The following SRGAP3 variants were observed in gnomAD, a reference collection of about 807,000 sequenced individuals.
SRGAP3 encodes SLIT-ROBO Rho GTPase activating protein 3.
A neutral mutation model predicts 121.1 loss-of-function variants in SRGAP3; 39 were observed. The observed-to-expected ratio is 0.32, with a 90% CI of 0.25 to 0.42. The LOEUF (loss-of-function observed/expected upper bound fraction) is 0.42, where lower values mean the gene tolerates loss of function less well. Ranked by LOEUF, SRGAP3 falls within the 10% of genes least tolerant of loss-of-function variation. SRGAP3 has a pLI of 1.00. For synonymous variants in SRGAP3, 601 were observed against 570.0 expected, an observed-to-expected ratio of 1.05 and a Z score of -0.77; for missense variants, 1,213 against 1,470.6, an observed-to-expected ratio of 0.82 and a Z score of 2.86.
chr3:9,256,049 G>A (rs952569284), intron 3 of SRGAP3, among the ~76,000 whole-genome samples: 3 of 151,970 alleles, frequency 2.0e-5, no homozygotes, highest in Admixed American at 6.5e-5. Flanking sequence ...AGGCTCTACC[G>A]AGAGACCCTG....
At chr3:9,172,422 T>TGATTA (rs550606486) in intron 1 of SRGAP3, among the ~76,000 whole-genome samples, 242 of 152,266 alleles carry the variant, frequency 1.6e-3, no homozygotes, top group Middle Eastern at 6.8e-3. Flanking sequence ...CATTTTAACT[T>TGATTA]GATTACCTCT....
chr3:9,348,824 G>A (rs779375162), intron 1 of SRGAP3: 134 of 1,356,802 alleles, frequency 9.9e-5, no homozygotes, highest in Non-Finnish European at 1.2e-4. Context: ...AATGGAGCCC[G>A]ACCATCCTTT....
At chr3:9,348,783 G>A (rs1955953442) in intron 1 of SRGAP3, 2 of 1,364,970 alleles carry the variant, frequency 1.5e-6, no homozygotes, top group East Asian at 4.6e-5. Context: ...GTGAAGATCT[G>A]GAGGCACTCC....
chr3:9,048,733 A>G (rs1173991120), intron 9 of SRGAP3, among the ~76,000 whole-genome samples: 1 of 152,222 alleles, frequency 6.6e-6, no homozygotes, highest in African/African-American at 2.4e-5. Flanking sequence ...CCAAGGTGAG[A>G]GAATCACTTG....
intron 3 of SRGAP3, among the ~76,000 whole-genome samples, chr3:9,085,368 G>T (rs55859934): frequency 0.056 from 8,507 of 152,312 alleles, 369 homozygotes; most frequent in Middle Eastern, 0.095. Flanking sequence ...TGGTGGGAGT[G>T]TAAATTAGTT....
chr3:9,158,622 G>T lies in SRGAP3; in HGVS notation c.68-33705C>A, dbSNP rs1381690461. ...ACAGGCAGAAAGTGGCAAAGCTGGG[G>T]CTCAAATCACTCACTTAAACCACCT... On this transcript the variant is annotated intron_variant, in intron 1 of 21. Coordinates refer to ENST00000383836, the MANE Select transcript of SRGAP3 (RefSeq NM_014850.4). Among the ~76,000 whole-genome samples, 3 of 152,140 alleles carry T rather than the reference G, an allele frequency of 2.0e-5. No individual in the cohort carries two copies. In the East Asian group the frequency reaches 5.8e-4, roughly 29 times the overall value.
chr3:9,085,317 A>G (rs1947416346), intron 3 of SRGAP3, among the ~76,000 whole-genome samples: 1 of 152,232 alleles, frequency 6.6e-6, no homozygotes, highest in South Asian at 2.1e-4. Flanking sequence ...GACAGCTCTG[A>G]GGAGTCATTC....
chr3:9,021,720 AACAAG>A (rs1056644039), intron 14 of SRGAP3, among the ~76,000 whole-genome samples: 109 of 152,364 alleles, frequency 7.2e-4, no homozygotes, highest in Admixed American at 8.5e-4. Context: ...GCCAAGGAAG[AACAAG>A]ACCCAAATCC....
chr3:9,205,265 A>G (rs933104658), intron 1 of SRGAP3, among the ~76,000 whole-genome samples: 2 of 152,240 alleles, frequency 1.3e-5, no homozygotes, highest in African/African-American at 2.4e-5. Context: ...TATGTCCAAA[A>G]TAGTATTACT....
chr3:9,163,883 C>T (rs1950687437), intron 1 of SRGAP3, among the ~76,000 whole-genome samples: 1 of 151,434 alleles, frequency 6.6e-6, no homozygotes, highest in Non-Finnish European at 1.5e-5. Context: ...GAAGTTGGGA[C>T]TTAGTACCCA....
intron 1 of SRGAP3, among the ~76,000 whole-genome samples, chr3:9,191,438 A>G (rs1389552089): frequency 6.6e-6 from 1 of 152,240 alleles, no homozygotes; most frequent in Non-Finnish European, 1.5e-5. Context: ...ACCCATCCAC[A>G]GGATGCTGAA....
chr3:9,134,444 C>T (rs1478178853), intron 1 of SRGAP3, among the ~76,000 whole-genome samples: 1 of 152,124 alleles, frequency 6.6e-6, no homozygotes, highest in Non-Finnish European at 1.5e-5. Flanking sequence ...TTACAGCCAA[C>T]AACATCTCAT....
chr3:9,310,188 C>A (rs1283329486), intron 3 of SRGAP3, among the ~76,000 whole-genome samples: 1 of 152,134 alleles, frequency 6.6e-6, no homozygotes, highest in Non-Finnish European at 1.5e-5. Context: ...TCACAAAGAA[C>A]AGGTAGAAAT....
intron 3 of SRGAP3, among the ~76,000 whole-genome samples, chr3:9,270,940 T>A (rs541777588): frequency 6.6e-6 from 1 of 152,312 alleles, no homozygotes; most frequent in African/African-American, 2.4e-5. Flanking sequence ...TGTATGTGTA[T>A]GCTGTGCTGC....
At chr3:9,359,384 G>A (rs980492327) in intron 1 of SRGAP3, among the ~76,000 whole-genome samples, 12 of 152,174 alleles carry the variant, frequency 7.9e-5, no homozygotes, top group Non-Finnish European at 1.3e-4. Context: ...ATACCAGGGA[G>A]CCATATTTTG....
chr3:8,992,405 T>C (rs1470276701), intron 20 of SRGAP3, among the ~76,000 whole-genome samples: 5 of 152,196 alleles, frequency 3.3e-5, no homozygotes, highest in Admixed American at 3.3e-4. Context: ...GGCCCACACA[T>C]AGGGAGCGAA....
intron 10 of SRGAP3, among the ~76,000 whole-genome samples, chr3:9,043,407 A>G (rs900466917): frequency 1.3e-5 from 2 of 152,148 alleles, no homozygotes; most frequent in Non-Finnish European, 2.9e-5. Flanking sequence ...GTGTACCACT[A>G]TCTCCCCAGG....
intron 1 of SRGAP3, among the ~76,000 whole-genome samples, chr3:9,130,136 C>A (rs1351280095): frequency 6.6e-6 from 1 of 152,134 alleles, no homozygotes; most frequent in African/African-American, 2.4e-5. Flanking sequence ...AGCTCACACA[C>A]ACACAAACAA....
At chr3:9,098,241 A>G (rs1271170689) in intron 3 of SRGAP3, among the ~76,000 whole-genome samples, 1 of 152,130 alleles carries the variant, frequency 6.6e-6, no homozygotes, top group African/African-American at 2.4e-5. Context: ...GGAGAGGAGG[A>G]CATTGTGTCT....
Sources: allele counts gnomAD v4.1 joint callset (sites outside exome capture counted in the v4.1 genomes callset), GRCh38; gene constraint gnomAD v4.1.1; transcripts MANE v1.5; gene names NCBI Gene and HGNC (gene_info 2026-07-23, HGNC 2026-07-21).